Variants in SAP130 observed in about 807,000 individuals in gnomAD.
SAP130 encodes the protein Sin3A associated protein 130.
In SAP130, 16 loss-of-function variants were observed where a neutral mutation model predicts 103.2. The ratio of observed to expected loss-of-function variants is 0.16; its 90% confidence interval spans 0.10 to 0.24. SAP130 has a LOEUF of 0.24. Among genes scored for constraint, SAP130 ranks in the 10% least tolerant of loss-of-function variants. SAP130 has a pLI of 1.00. For synonymous variants in SAP130, 477 were observed against 497.0 expected (o/e 0.96, Z 0.53); for missense variants, 990 against 1,359.7 (o/e 0.73, Z 4.28).
chr2:127,998,806 T>G (rs1683346716), intron 10 of SAP130, among the ~76,000 whole-genome samples: 1 of 152,192 alleles, frequency 6.6e-6, no homozygotes, highest in African/African-American at 2.4e-5. Context: ...CCCTCTTTAT[T>G]GGTCTGACTT....
intron 18 of SAP130, among the ~76,000 whole-genome samples, chr2:127,946,848 T>G (rs1168828336): frequency 6.6e-6 from 1 of 150,462 alleles, no homozygotes. Context: ...CGCACCATTG[T>G]ACTGCAGCCT....
At chr2:127,964,998 C>CA (rs33926216) in intron 15 of SAP130, among the ~76,000 whole-genome samples, 12,384 of 136,420 alleles carry the variant, frequency 0.091, 701 homozygotes, top group South Asian at 0.11. Context: ...GACTCTGTCT[C>CA]AAAAAAAAAA....
At chr2:128,025,525 G>GA (rs959601480) in intron 2 of SAP130, among the ~76,000 whole-genome samples, 1 of 152,040 alleles carries the variant, frequency 6.6e-6, no homozygotes, top group Non-Finnish European at 1.5e-5. Flanking sequence ...TTCAGGGGGG[G>GA]AAAAAAACCC....
chr2:127,996,420 T>C lies in SAP130; in HGVS notation c.1285A>G (p.Ser429Gly), dbSNP rs370299555. 4 of 1,610,760 alleles carry C rather than the reference T, an allele frequency of 2.5e-6. No individual in the cohort carries two copies. Among genetic ancestry groups the C allele is most frequent in the South Asian group, 1.1e-5 (1 of 90,416 alleles). Residue 429 changes from serine to glycine, a missense_variant, in exon 11 of 21, where the codon AGC becomes GGC. Physicochemically the swap from Ser to Gly is moderately conservative, Grantham distance 56. Transcript: ENST00000643581. This position sits in a 1 kb window ranked among gnomAD's most constrained non-coding sequence, Gnocchi z 4.3. ...IQPDYPAERS[S>G]LIPISGHRAS... ...CGATGTCCGGAGATGGGAATCAGGC[T>C]ACTCCTCTCGGCAGGGTAGTCTGGC...
rs6430968 is a variant in SAP130 at position 128,017,890 on chromosome 2, A to G, written c.138T>C (p.Ser46=). The change falls in exon 3 of 21, where the codon TCT becomes TCC. Residue 46 remains serine (S), a synonymous_variant. Coordinates refer to ENST00000643581, the MANE Select transcript of SAP130 (RefSeq NM_001330301.2). ...TCATGTGCTCCCTGGCACTGACTTC[A>G]GAATCTCGACCAGATTCATCATTGA... ...ATVNDESGRD[S]EVSAREHMSS... 7.3e-3 allele frequency: 11,846 copies of G among 1,614,180 alleles called. 561 individuals carry two copies. The African/African-American group carries it at 0.12, about 16-fold the overall frequency.
chr2:127,943,416 G>A (rs1263201190), intron 19 of SAP130, among the ~76,000 whole-genome samples: 1 of 152,180 alleles, frequency 6.6e-6, no homozygotes, highest in Admixed American at 6.5e-5. Context: ...TAATGACAGG[G>A]ATACGTTCTG....
At position 127,942,414 on chromosome 2, in the gene SAP130, G is replaced by A. The variant is rs377019047; in HGVS notation, c.3015+10C>T. Reference sequence around the variant, plus strand: ...AGTAGATGATCAGAAGGGAAGGGGCGCACTCAAACCTGTATCAGTTCGTTT... The same window carrying A: ...AGTAGATGATCAGAAGGGAAGGGGCACACTCAAACCTGTATCAGTTCGTTT... On this transcript the variant is annotated intron_variant, in intron 20 of 20. Transcript: ENST00000643581. This position sits in a 1 kb window ranked among gnomAD's most constrained non-coding sequence, Gnocchi z 4.8. 3.1e-5 allele frequency: 49 copies of A among 1,567,296 alleles called. No homozygotes were observed. The highest frequency in any genetic ancestry group is 1.7e-4 in the Middle Eastern group (1 of 5,992).
rs1432540787 is a variant in SAP130 at position 127,978,083 on chromosome 2, T to C, written c.1965A>G (p.Ala655=). The change falls in exon 15 of 21, where the codon GCA becomes GCG. Residue 655 remains alanine, a synonymous_variant. Transcript: ENST00000643581. ...GAGGAGGAATGAGGGTTTTCCGAAC[T>C]GCCATTCTGAAAGAGACAAGAGACA... ...LRKKPATDGM[A]VRKTLIPPQP... 8 of 1,551,438 alleles carry C rather than the reference T, an allele frequency of 5.2e-6. No homozygotes were observed. Among genetic ancestry groups the C allele is most frequent in the Middle Eastern group, 1.7e-4 (1 of 5,976 alleles).
intron 7 of SAP130, among the ~76,000 whole-genome samples, chr2:128,002,864 T>G (rs1683659748): frequency 6.6e-6 from 1 of 152,028 alleles, no homozygotes; most frequent in Non-Finnish European, 1.5e-5. Context: ...TGGCTCACGC[T>G]TGTAATCCCA....
intron 7 of SAP130, among the ~76,000 whole-genome samples, chr2:128,002,405 T>C (rs1683627702): frequency 6.6e-6 from 1 of 152,112 alleles, no homozygotes. Flanking sequence ...GGTACGTGCC[T>C]GTAGTCCCAA....
At chr2:128,019,831 A>T (rs1000182219) in intron 2 of SAP130, among the ~76,000 whole-genome samples, 17 of 151,934 alleles carry the variant, frequency 1.1e-4, no homozygotes, top group Admixed American at 9.8e-4. Flanking sequence ...AGGTTGGGAG[A>T]TCCTGCCACT....
At chr2:127,958,938 C>T (rs1680040392) in intron 15 of SAP130, among the ~76,000 whole-genome samples, 1 of 152,140 alleles carries the variant, frequency 6.6e-6, no homozygotes, top group South Asian at 2.1e-4. Flanking sequence ...GGGTGAGCCG[C>T]CACACCCGGC....
chr2:128,002,575 A>G (rs1040308840), intron 7 of SAP130, among the ~76,000 whole-genome samples: 2 of 152,092 alleles, frequency 1.3e-5, no homozygotes, highest in African/African-American at 2.4e-5. Context: ...GCAGGAAGAC[A>G]TGACTATCTT....
intron 2 of SAP130, among the ~76,000 whole-genome samples, chr2:128,023,268 A>G (rs950049841): frequency 6.6e-6 from 1 of 152,136 alleles, no homozygotes; most frequent in African/African-American, 2.4e-5. Flanking sequence ...TGCTAGGATT[A>G]CAGGCATGAG....
intron 2 of SAP130, among the ~76,000 whole-genome samples, chr2:128,020,035 A>G (rs1200942451): frequency 6.6e-6 from 1 of 152,218 alleles, no homozygotes. Flanking sequence ...GAGAATTTAA[A>G]TTATTTGGAG....
intron 7 of SAP130, among the ~76,000 whole-genome samples, chr2:128,004,918 C>T (rs1292400063): frequency 6.6e-6 from 1 of 152,058 alleles, no homozygotes; most frequent in Admixed American, 6.5e-5. Flanking sequence ...AATGGGGATC[C>T]AGAATAAAGC....
At chr2:128,018,611 G>GT (rs1434415460) in intron 2 of SAP130, among the ~76,000 whole-genome samples, 1 of 151,494 alleles carries the variant, frequency 6.6e-6, no homozygotes, top group Non-Finnish European at 1.5e-5. Flanking sequence ...TGGCAACACA[G>GT]TAAGACTCCA....
chr2:127,995,046 AT>A (rs11304735), intron 11 of SAP130, among the ~76,000 whole-genome samples: 112,997 of 152,022 alleles, frequency 0.74, 42,277 homozygotes, highest in East Asian at 0.83. Context: ...TACTTTGTGT[AT>A]ACTGTATAGG....
At chr2:127,956,059 G>A (rs897129723) in intron 15 of SAP130, among the ~76,000 whole-genome samples, 2 of 150,724 alleles carry the variant, frequency 1.3e-5, no homozygotes, top group African/African-American at 2.4e-5. Flanking sequence ...TTTCTCTTTA[G>A]CTACAGTTGT....
Sources: allele counts gnomAD v4.1 joint callset (sites outside exome capture counted in the v4.1 genomes callset), GRCh38; gene constraint gnomAD v4.1.1; non-coding constraint Gnocchi (gnomAD v3.1); transcripts MANE v1.5; gene names NCBI Gene and HGNC (gene_info 2026-07-23, HGNC 2026-07-21).